The following HCRTR2 variants were observed in gnomAD, a reference collection of about 807,000 sequenced individuals.
The protein encoded by HCRTR2 is orexin receptor type 2.
HCRTR2 carries 22 observed loss-of-function variants against 49.0 expected under a neutral mutation model. That is an observed-to-expected ratio of 0.45 (90% CI 0.32 to 0.64). The LOEUF (loss-of-function observed/expected upper bound fraction) is 0.64. Among genes scored for constraint, HCRTR2 ranks in the 30% least tolerant of loss-of-function variants. The pLI is 0.04. For missense variants in HCRTR2, 491 were observed against 559.4 expected (o/e 0.88, Z 1.23); for synonymous variants, 236 against 205.3 (o/e 1.15, Z -1.28).
intron 1 of HCRTR2, among the ~76,000 whole-genome samples, chr6:55,109,144 C>A (rs922299194): frequency 6.6e-6 from 1 of 152,160 alleles, no homozygotes; most frequent in Admixed American, 6.5e-5. Flanking sequence ...ACAGAAATAA[C>A]AATCACTGCA....
chr6:55,191,960 C>A (rs1232164081), intron 1 of HCRTR2, among the ~76,000 whole-genome samples: 1 of 151,972 alleles, frequency 6.6e-6, no homozygotes, highest in Non-Finnish European at 1.5e-5. Flanking sequence ...TGCAAGATTT[C>A]TAAGATTTGA....
chr6:55,216,496 C>G (rs1765789846), intron 1 of HCRTR2, among the ~76,000 whole-genome samples: 1 of 152,144 alleles, frequency 6.6e-6, no homozygotes, highest in Non-Finnish European at 1.5e-5. Flanking sequence ...AGGAATAAGA[C>G]AGACATTCCC....
upstream of HCRTR2, chr6:55,174,322 T>A: frequency 2.0e-6 from 1 of 508,202 alleles, no homozygotes; most frequent in South Asian, 2.0e-5. Flanking sequence ...CCTGGTGTCA[T>A]TGCTGCAGCC....
At chr6:55,282,151 A>T (rs1767202470) in intron 6 of HCRTR2, 74 bp from the exon 7 acceptor site, 2 of 1,075,896 alleles carry the variant, frequency 1.9e-6, no homozygotes, top group Non-Finnish European at 2.8e-6. Flanking sequence ...GGAGCAACTC[A>T]GTTGTACCCT....
At chr6:55,157,368 TAA>T (rs1160141271) in intron 1 of HCRTR2, among the ~76,000 whole-genome samples, 7 of 152,210 alleles carry the variant, frequency 4.6e-5, no homozygotes, top group African/African-American at 1.7e-4. Flanking sequence ...TAAAAATAGT[TAA>T]AGAGAATCTA....
intron 1 of HCRTR2, among the ~76,000 whole-genome samples, chr6:55,208,323 A>AT (rs1554173581): frequency 1.3e-5 from 2 of 148,752 alleles, no homozygotes; most frequent in African/African-American, 5.0e-5. Flanking sequence ...GAAAAATAAA[A>AT]AAATAAAAAA....
At chr6:55,140,911 A>G (rs1764497137) in intron 1 of HCRTR2, among the ~76,000 whole-genome samples, 3 of 152,102 alleles carry the variant, frequency 2.0e-5, no homozygotes, top group African/African-American at 7.3e-5. Flanking sequence ...AGAGGAAAAG[A>G]GAGTTCGGAA....
At chr6:55,231,579 T>C (rs1346648413) in intron 1 of HCRTR2, among the ~76,000 whole-genome samples, 1 of 152,108 alleles carries the variant, frequency 6.6e-6, no homozygotes, top group Non-Finnish European at 1.5e-5. Context: ...CTTTCCAAAT[T>C]AGAAGAGAAA....
At chr6:55,172,663 T>A (rs1302069382), upstream of HCRTR2, among the ~76,000 whole-genome samples, 2 of 152,198 alleles carry the variant, frequency 1.3e-5, no homozygotes, top group East Asian at 3.8e-4. Flanking sequence ...TGCTGCTGAT[T>A]AATCCATTTA....
intron 1 of HCRTR2, among the ~76,000 whole-genome samples, chr6:55,223,281 T>C (rs1049314767): frequency 3.3e-5 from 5 of 152,178 alleles, no homozygotes; most frequent in Admixed American, 1.3e-4. Context: ...GGTTGATCAA[T>C]TCTGTGACAA....
intron 1 of HCRTR2, among the ~76,000 whole-genome samples, chr6:55,148,787 G>T (rs1764627363): frequency 6.6e-6 from 1 of 152,068 alleles, no homozygotes; most frequent in South Asian, 2.1e-4. Flanking sequence ...TTTGAAGAGG[G>T]ATAGATCTAT....
chr6:55,192,610 T>C (rs1334931536), intron 1 of HCRTR2, among the ~76,000 whole-genome samples: 2 of 152,124 alleles, frequency 1.3e-5, no homozygotes, highest in East Asian at 1.9e-4. Context: ...GCATACACAC[T>C]TTTCTGCATC....
intron 1 of HCRTR2, among the ~76,000 whole-genome samples, chr6:55,240,473 C>T (rs1766306118): frequency 1.3e-5 from 2 of 151,498 alleles, no homozygotes; most frequent in African/African-American, 2.4e-5. Context: ...CATCCGTCAG[C>T]GTTGTAAAAA....
At chr6:55,232,626 T>C (rs1766137156) in intron 1 of HCRTR2, among the ~76,000 whole-genome samples, 2 of 152,236 alleles carry the variant, frequency 1.3e-5, no homozygotes, top group Non-Finnish European at 2.9e-5. Flanking sequence ...AATCTTGATG[T>C]TGGATGACAA....
chr6:55,159,211 C>T (rs939833077), intron 1 of HCRTR2, among the ~76,000 whole-genome samples: 15 of 151,888 alleles, frequency 9.9e-5, no homozygotes, highest in African/African-American at 1.5e-4. Context: ...CTTCAGCAGA[C>T]GGGCCTGAGT....
chr6:55,128,242 T>C (rs975100159), intron 1 of HCRTR2, among the ~76,000 whole-genome samples: 6 of 152,012 alleles, frequency 3.9e-5, no homozygotes, highest in Non-Finnish European at 8.8e-5. Flanking sequence ...AGGTGTATGG[T>C]CTTATTTCTG....
rs146075667 is a variant in HCRTR2 at position 55,234,331 on chromosome 6, G to T, written c.224-14308G>T. Among the ~76,000 whole-genome samples, 525 of 152,174 alleles carry T rather than the reference G, an allele frequency of 3.4e-3. 4 individuals carry two copies. Among genetic ancestry groups the T allele is most frequent in the Admixed American group, 4.1e-3 (62 of 15,278 alleles). On this transcript the variant is annotated intron_variant, in intron 1 of 6. Transcript: ENST00000370862. Reference sequence around the variant, plus strand: ...GAACACCTGACTTATAGAAAAAAAGGTAAAAGATTGGTTTTGTAAAATGAC... The same window carrying T: ...GAACACCTGACTTATAGAAAAAAAGTTAAAAGATTGGTTTTGTAAAATGAC...
intron 1 of HCRTR2, among the ~76,000 whole-genome samples, chr6:55,235,704 T>G (rs189757445): frequency 8.5e-5 from 13 of 152,230 alleles, no homozygotes; most frequent in African/African-American, 2.9e-4. Flanking sequence ...AGATATCAAT[T>G]TATTCAGTAT....
At position 55,157,309 on chromosome 6, in the gene HCRTR2, T is replaced by A. The variant is rs77049034; in HGVS notation, c.-377-16902T>A. Among the ~76,000 whole-genome samples the A allele has an allele frequency of 7.0e-4, 107 of 152,284 alleles. 1 individual carries two copies. In the East Asian group the frequency reaches 0.02, roughly 28 times the overall value. Reference sequence around the variant, plus strand: ...AAAGCATGAAAATCTTAGGAAGGAATTTACCAAGAATGTACAAGTTTTATG... The same window carrying A: ...AAAGCATGAAAATCTTAGGAAGGAAATTACCAAGAATGTACAAGTTTTATG... On this transcript the variant is annotated intron_variant, in intron 1 of 7. Transcript: ENST00000615358.
Sources: allele counts gnomAD v4.1 joint callset (sites outside exome capture counted in the v4.1 genomes callset), GRCh38; gene constraint gnomAD v4.1.1; transcripts MANE v1.5; gene names NCBI Gene and HGNC (gene_info 2026-07-23, HGNC 2026-07-21).